The following PRKCH variants were observed in gnomAD, a reference collection of about 807,000 sequenced individuals.
PRKCH encodes protein kinase C eta type.
A neutral mutation model predicts 82.5 loss-of-function variants in PRKCH; 28 were observed. That is an observed-to-expected ratio of 0.34 (90% confidence interval 0.25 to 0.47). PRKCH has a LOEUF of 0.47. Among genes scored for constraint, PRKCH ranks in the 20% least tolerant of loss-of-function variants. The pLI, the probability that PRKCH is intolerant of heterozygous loss-of-function variation, is 1.00. For missense variants in PRKCH, 705 were observed against 881.8 expected, an observed-to-expected ratio of 0.80 and a Z score of 2.54; for synonymous variants, 322 against 327.4, an observed-to-expected ratio of 0.98 and a Z score of 0.18.
chr14:61,266,811 T>TA (rs2045106252), intron 1 of PRKCH, among the ~76,000 whole-genome samples: 1 of 152,066 alleles, frequency 6.6e-6, no homozygotes, highest in African/African-American at 2.4e-5. Context: ...CTGTGTATGC[T>TA]AAAAAAAATT....
At chr14:61,458,178 T>G (rs1884865711) in intron 9 of PRKCH, among the ~76,000 whole-genome samples, 1 of 152,226 alleles carries the variant, frequency 6.6e-6, no homozygotes, top group Non-Finnish European at 1.5e-5. Context: ...ACCCTTTGCC[T>G]GAAACCATGG....
In PRKCH at chr14:61,507,338, T is replaced by G. The variant is rs541885457; in HGVS notation, c.1433+21682T>G. Among the ~76,000 whole-genome samples, 261 of 152,190 alleles carry G rather than the reference T, an allele frequency of 1.7e-3. 1 individual carries two copies. Among genetic ancestry groups the G allele is most frequent in the Non-Finnish European group, 2.9e-3 (199 of 68,012 alleles). On this transcript the variant is annotated intron_variant, in intron 10 of 13. Coordinates refer to ENST00000332981, the MANE Select transcript of PRKCH (RefSeq NM_006255.5). ...GAACCCTATGCACTGTTGGTGGAAA[T>G]GTAAATTGGTGCAGCCACTAAGCAA...
chr14:61,234,426 C>T (rs978477961), intron 1 of PRKCH, among the ~76,000 whole-genome samples: 1 of 152,118 alleles, frequency 6.6e-6, no homozygotes, highest in African/African-American at 2.4e-5. Context: ...GGCATCCCTC[C>T]TTAACCAGTC....
At chr14:61,504,523 G>C (rs1016792190) in intron 10 of PRKCH, among the ~76,000 whole-genome samples, 3 of 152,126 alleles carry the variant, frequency 2.0e-5, no homozygotes, top group African/African-American at 7.2e-5. Flanking sequence ...ACACTGCATG[G>C]TCATCATACA....
chr14:61,222,099 CAG>C (rs370987446), intron 1 of PRKCH, among the ~76,000 whole-genome samples: 71 of 152,304 alleles, frequency 4.7e-4, no homozygotes, highest in African/African-American at 1.6e-3. Flanking sequence ...TCTGAAAAAA[CAG>C]AGTCTGTAAA....
chr14:61,307,256 G>A (rs1477987684), intron 1 of PRKCH: 1 of 152,086 alleles, frequency 6.6e-6, no homozygotes, highest in Non-Finnish European at 1.5e-5. Context: ...AATAACAACA[G>A]TAAATAACTT....
chr14:61,512,943 A>C (rs543948958), intron 10 of PRKCH, among the ~76,000 whole-genome samples: 5 of 152,076 alleles, frequency 3.3e-5, no homozygotes, highest in Non-Finnish European at 5.9e-5. Context: ...CAGTCTCCCA[A>C]GTAGCTGGGA....
intron 10 of PRKCH, among the ~76,000 whole-genome samples, chr14:61,512,684 T>C (rs1887430345): frequency 6.6e-6 from 1 of 152,186 alleles, no homozygotes; most frequent in Non-Finnish European, 1.5e-5. Flanking sequence ...TGGCTGACCT[T>C]TTAATTTTAC....
intron 1 of PRKCH, among the ~76,000 whole-genome samples, chr14:61,248,418 TAAA>T (rs2044906704): frequency 6.6e-6 from 1 of 152,176 alleles, no homozygotes; most frequent in Non-Finnish European, 1.5e-5. Flanking sequence ...CAGAGCAGCA[TAAA>T]CAAAGCTAAG....
intron 1 of PRKCH, among the ~76,000 whole-genome samples, chr14:61,325,318 A>G (rs1233693534): frequency 6.6e-6 from 1 of 152,218 alleles, no homozygotes; most frequent in Non-Finnish European, 1.5e-5. Flanking sequence ...AGATCCACAC[A>G]TATATGACCC....
intron 1 of PRKCH, among the ~76,000 whole-genome samples, chr14:61,233,898 A>G (rs992745382): frequency 1.3e-4 from 20 of 152,204 alleles, no homozygotes; most frequent in African/African-American, 4.6e-4. Context: ...ATGGATGAAT[A>G]CATTGGTTTT....
At chr14:61,463,803 A>G (rs1885135317) in intron 9 of PRKCH, among the ~76,000 whole-genome samples, 1 of 152,250 alleles carries the variant, frequency 6.6e-6, no homozygotes, top group Non-Finnish European at 1.5e-5. Context: ...GATTACACAT[A>G]TCAGTGAGAT....
chr14:61,253,254 C>A (rs2044963105), intron 1 of PRKCH, among the ~76,000 whole-genome samples: 1 of 152,198 alleles, frequency 6.6e-6, no homozygotes, highest in Non-Finnish European at 1.5e-5. Context: ...AGCTTAACTG[C>A]CTAATAGCTG....
rs558772847 is a variant in PRKCH, at chr14:61,241,399, C to T, written c.-19+53731C>T. On this transcript the variant is annotated intron_variant, in intron 1 of 3. Transcript: ENST00000555185. Reference sequence around the variant, plus strand: ...ATTGATCATTGGTAATCAACTTAACCTTCATCCCCTCTCCACTCTCCAGAG... The same window carrying T: ...ATTGATCATTGGTAATCAACTTAACTTTCATCCCCTCTCCACTCTCCAGAG... Among the ~76,000 whole-genome samples the T allele has an allele frequency of 3.7e-4, 56 of 152,290 alleles. No homozygotes were observed. The South Asian group carries it at 0.011, about 30-fold the overall frequency.
At chr14:61,491,887 C>T (rs760531464) in intron 10 of PRKCH, among the ~76,000 whole-genome samples, 3 of 152,084 alleles carry the variant, frequency 2.0e-5, no homozygotes, top group Non-Finnish European at 4.4e-5. Flanking sequence ...AATGATTATA[C>T]CAATAAAAAG....
At chr14:61,365,732 A>G (rs2046289816) in intron 1 of PRKCH, among the ~76,000 whole-genome samples, 1 of 152,092 alleles carries the variant, frequency 6.6e-6, no homozygotes, top group Non-Finnish European at 1.5e-5. Context: ...GTATGAGGAC[A>G]TAAAGAGGCA....
chr14:61,401,325 C>A (rs995333495), intron 2 of PRKCH, among the ~76,000 whole-genome samples: 9 of 152,094 alleles, frequency 5.9e-5, no homozygotes, highest in African/African-American at 2.2e-4. Context: ...TTTTTATACC[C>A]CAGTCATCAT....
intron 10 of PRKCH, among the ~76,000 whole-genome samples, chr14:61,490,272 C>T (rs926968494): frequency 2.6e-5 from 4 of 152,196 alleles, no homozygotes; most frequent in African/African-American, 4.8e-5. Flanking sequence ...CCCATGATTA[C>T]GTGGCACATG....
chr14:61,365,566 G>A (rs768899216), intron 1 of PRKCH, among the ~76,000 whole-genome samples: 23 of 152,048 alleles, frequency 1.5e-4, no homozygotes, highest in African/African-American at 5.1e-4. Context: ...TAAAATTTAA[G>A]CAGTTTCTAG....
Sources: allele counts gnomAD v4.1 joint callset (sites outside exome capture counted in the v4.1 genomes callset), GRCh38; gene constraint gnomAD v4.1.1; transcripts MANE v1.5; gene names NCBI Gene and HGNC (gene_info 2026-07-23, HGNC 2026-07-21).